The following PRMT3 variants were observed in gnomAD, a reference collection of about 807,000 sequenced individuals.
PRMT3 encodes the protein protein arginine methyltransferase 3, also known as protein arginine N-methyltransferase 3.
PRMT3 carries 62 observed loss-of-function variants against 71.9 expected under a neutral mutation model. The observed-to-expected ratio is 0.86, with a 90% CI of 0.70 to 1.07. The LOEUF is 1.07. PRMT3 is among the 50% of genes least tolerant of loss of function. The pLI, the probability that PRMT3 is intolerant of heterozygous loss-of-function variation, is 0.00. For synonymous variants in PRMT3, 213 were observed against 220.4 expected (o/e 0.97, Z 0.30); for missense variants, 663 against 643.0 (o/e 1.03, Z -0.34).
chr11:20,471,853 T>G (rs539706329), intron 13 of PRMT3, among the ~76,000 whole-genome samples: 1 of 152,196 alleles, frequency 6.6e-6, no homozygotes, highest in East Asian at 1.9e-4. Context: ...TTTTTCAATT[T>G]GTTTGTGTCC....
chr11:20,464,856 C>G (rs1350814940), intron 13 of PRMT3, among the ~76,000 whole-genome samples: 1 of 152,120 alleles, frequency 6.6e-6, no homozygotes, highest in African/African-American at 2.4e-5. Flanking sequence ...AAAGTTCATA[C>G]CCTATTCCTC....
At chr11:20,485,492 G>C (rs990481008) in intron 13 of PRMT3, among the ~76,000 whole-genome samples, 3 of 152,040 alleles carry the variant, frequency 2.0e-5, no homozygotes, top group African/African-American at 7.2e-5. Context: ...TTTAACAAAT[G>C]GAAACATTTT....
intron 13 of PRMT3, among the ~76,000 whole-genome samples, chr11:20,484,780 G>A (rs1851031568): frequency 1.3e-5 from 2 of 152,142 alleles, no homozygotes; most frequent in African/African-American, 4.8e-5. Flanking sequence ...CTTCCTCTTT[G>A]TAGTGGTAAG....
In PRMT3 at chr11:20,397,657, AG is replaced by A; in HGVS notation, c.643del (p.Asp215MetfsTer20). ...ACTAGTGTCATTGCGGACCTCCAGG[AG>A]GATGAGGATGGTGTTTATTTCAGCT... ...SSTSVIADLQ[E>X]DEDGVYFSSY... On this transcript the variant is annotated frameshift_variant, in exon 7 of 16. Transcript: ENST00000331079. LOFTEE classifies it high-confidence loss of function. 1 of 1,614,174 alleles carries A rather than the reference AG, an allele frequency of 6.2e-7. No individual in the cohort carries two copies. The highest frequency in any genetic ancestry group is 1.1e-5 in the South Asian group (1 of 91,082).
chr11:20,482,194 AT>A (rs1392183461), intron 13 of PRMT3, among the ~76,000 whole-genome samples: 1 of 146,200 alleles, frequency 6.8e-6, no homozygotes, highest in African/African-American at 2.8e-5. Context: ...AATTTCTGTA[AT>A]TCATTGTTTA....
intron 13 of PRMT3, among the ~76,000 whole-genome samples, chr11:20,487,166 C>T (rs954103903): frequency 3.3e-5 from 5 of 151,958 alleles, no homozygotes; most frequent in Admixed American, 6.6e-5. Flanking sequence ...AAGGAAGTAC[C>T]GAGGGATATT....
chr11:20,392,844 G>C, intron 4 of PRMT3, 53 bp from the exon 5 acceptor site: 1 of 1,138,558 alleles, frequency 8.8e-7, no homozygotes, highest in East Asian at 2.4e-5. Context: ...TTTACTAAGG[G>C]GATTTTGTGA....
At position 20,387,720 on chromosome 11, in the gene PRMT3, A is replaced by C; in HGVS notation, c.-27A>C. 1.3e-6 allele frequency: 2 copies of C among 1,521,010 alleles called. No homozygotes were observed. The highest frequency in any genetic ancestry group is 1.8e-6 in the Non-Finnish European group (2 of 1,137,952). 94.2% of individuals were successfully genotyped at this position (1,521,010 alleles called of 1,614,324 possible). A position where few individuals can be genotyped will look rare whatever the true frequency, so the allele number is the denominator to read the frequency against. Reference sequence around the variant, plus strand: ...CCCAACCCGGTCCCCGCCCCCAGACACGCCGGGCTCTCGGGGCACCACAGC... The same window carrying C: ...CCCAACCCGGTCCCCGCCCCCAGACCCGCCGGGCTCTCGGGGCACCACAGC... On this transcript the variant is annotated 5_prime_UTR_variant, in exon 1 of 16. Coordinates refer to ENST00000331079, the MANE Select transcript of PRMT3 (RefSeq NM_005788.4). This position sits in a 1 kb window ranked among gnomAD's most constrained non-coding sequence, Gnocchi z 4.3.
chr11:20,467,573 A>T (rs1251006776), intron 13 of PRMT3, among the ~76,000 whole-genome samples: 1 of 151,906 alleles, frequency 6.6e-6, no homozygotes, highest in Non-Finnish European at 1.5e-5. Context: ...CAAATAGTCC[A>T]GCAGTTGGAA....
At chr11:20,408,428 G>C (rs1251887446) in intron 9 of PRMT3, among the ~76,000 whole-genome samples, 1 of 151,984 alleles carries the variant, frequency 6.6e-6, no homozygotes, top group East Asian at 1.9e-4. Flanking sequence ...TAAAGACTAA[G>C]AGTTATTTGT....
In PRMT3 at chr11:20,387,833, G is replaced by T; in HGVS notation, c.28+59G>T. On this transcript the variant is annotated intron_variant, in intron 1 of 15. Transcript: ENST00000331079. This position sits in a 1 kb window ranked among gnomAD's most constrained non-coding sequence, Gnocchi z 4.3. ...CCAGCCCCAGGCCGCGCCGCTGTGGGGCCGGTGGAAGACCCTCCGGGACAC... is the reference window on the plus strand; with the variant it reads ...CCAGCCCCAGGCCGCGCCGCTGTGGTGCCGGTGGAAGACCCTCCGGGACAC... The T allele has an allele frequency of 1.9e-6, 3 of 1,538,880 alleles. No individual in the cohort carries two copies. Among genetic ancestry groups the T allele is most frequent in the Non-Finnish European group, 1.7e-6 (2 of 1,144,738 alleles).
intron 13 of PRMT3, 59 bp from the exon 14 acceptor site, chr11:20,493,859 GA>G: frequency 8.8e-7 from 1 of 1,140,894 alleles, no homozygotes; most frequent in Non-Finnish European, 1.3e-6. Flanking sequence ...AGACAGTAAT[GA>G]GTTATTATAT....
At chr11:20,452,311 T>A in intron 11 of PRMT3, 103 bp downstream of exon 11, 1 of 874,378 alleles carries the variant, frequency 1.1e-6, no homozygotes, top group Non-Finnish European at 1.8e-6. Flanking sequence ...AAGTTCCCGA[T>A]AGGGTTGAAA....
chr11:20,471,824 T>C (rs1176124633), intron 13 of PRMT3, among the ~76,000 whole-genome samples: 2 of 152,238 alleles, frequency 1.3e-5, no homozygotes, highest in Non-Finnish European at 2.9e-5. Context: ...TGATTCTTTC[T>C]ATCCCTTAGC....
intron 15 of PRMT3, among the ~76,000 whole-genome samples, chr11:20,499,212 T>C (rs934410384): frequency 3.3e-5 from 5 of 152,210 alleles, no homozygotes; most frequent in Admixed American, 6.5e-5. Flanking sequence ...AGCAGTTAAG[T>C]ATGTACATTG....
At chr11:20,433,475 G>C (rs1190101341) in intron 10 of PRMT3, among the ~76,000 whole-genome samples, 1 of 152,068 alleles carries the variant, frequency 6.6e-6, no homozygotes, top group East Asian at 1.9e-4. Flanking sequence ...TGTTTAGGTT[G>C]ATTCCAATTC....
At chr11:20,415,700 A>G (rs779594960) in intron 9 of PRMT3, among the ~76,000 whole-genome samples, 3 of 152,100 alleles carry the variant, frequency 2.0e-5, no homozygotes, top group Non-Finnish European at 2.9e-5. Context: ...CAGCCATGGT[A>G]TACACCCAAA....
intron 2 of PRMT3, 104 bp downstream of exon 2, chr11:20,388,258 TC>T: frequency 6.6e-7 from 1 of 1,505,932 alleles, no homozygotes. Context: ...GAGTGGCCTG[TC>T]TTTGAATTCT....
intron 15 of PRMT3, among the ~76,000 whole-genome samples, chr11:20,507,555 G>T (rs903438448): frequency 6.6e-6 from 1 of 151,482 alleles, no homozygotes; most frequent in African/African-American, 2.4e-5. Flanking sequence ...GTAGGTGAGC[G>T]CATCACCTGA....
Sources: gnomAD v4.1 joint callset for allele counts (sites outside exome capture counted in the v4.1 genomes callset) on GRCh38, gnomAD v4.1.1 for gene constraint, Gnocchi (gnomAD v3.1) non-coding constraint, MANE v1.5 for transcripts, NCBI Gene and HGNC (gene_info 2026-07-23, HGNC 2026-07-21) for gene names.